NKAIN2: variants seen among roughly 807,000 people sequenced by gnomAD.
NKAIN2 encodes sodium/potassium transporting ATPase interacting 2.
In NKAIN2, 14 loss-of-function variants were observed where a neutral mutation model predicts 32.6. The observed-to-expected ratio is 0.43, with a 90% CI of 0.28 to 0.67. NKAIN2 has a LOEUF of 0.67. NKAIN2 is among the 30% of genes least tolerant of loss of function. NKAIN2 has a pLI of 0.17. For synonymous variants in NKAIN2, 80 were observed against 87.2 expected (o/e 0.92, Z 0.46); for missense variants, 198 against 258.3 (o/e 0.77, Z 1.60).
intron 1 of NKAIN2, among the ~76,000 whole-genome samples, chr6:123,930,353 T>A (rs1055773104): frequency 6.6e-6 from 1 of 152,286 alleles, no homozygotes; most frequent in Middle Eastern, 3.4e-3. Flanking sequence ...TTTAATCTAC[T>A]TTTGTCCAAC....
At chr6:124,352,923 A>G (rs1444337238) in intron 2 of NKAIN2, among the ~76,000 whole-genome samples, 1 of 152,140 alleles carries the variant, frequency 6.6e-6, no homozygotes, top group African/African-American at 2.4e-5. Flanking sequence ...CCCTAACATT[A>G]TACTCTATTG....
intron 1 of NKAIN2, among the ~76,000 whole-genome samples, chr6:123,810,882 A>G (rs1261651956): frequency 2.0e-5 from 3 of 152,200 alleles, no homozygotes; most frequent in Non-Finnish European, 4.4e-5. Context: ...GCTTGAACAC[A>G]TTTTGAACCT....
At chr6:124,488,657 A>G (rs1423931891) in intron 3 of NKAIN2, among the ~76,000 whole-genome samples, 2 of 152,014 alleles carry the variant, frequency 1.3e-5, no homozygotes, top group East Asian at 1.9e-4. Flanking sequence ...TTTGCTTCCA[A>G]TCTCATGTTG....
intron 5 of NKAIN2, among the ~76,000 whole-genome samples, chr6:124,808,421 C>T (rs1014971212): frequency 6.6e-6 from 1 of 152,122 alleles, no homozygotes; most frequent in Admixed American, 6.5e-5. Context: ...AGGCCTTTGA[C>T]AAAATTCAAC....
At chr6:124,222,810 A>G (rs959622397) in intron 1 of NKAIN2, among the ~76,000 whole-genome samples, 2 of 152,214 alleles carry the variant, frequency 1.3e-5, no homozygotes, top group Non-Finnish European at 2.9e-5. Context: ...CATGTAGAAC[A>G]TGGACCAAGT....
At chr6:123,819,269 G>A (rs1663107531) in intron 1 of NKAIN2, among the ~76,000 whole-genome samples, 1 of 152,092 alleles carries the variant, frequency 6.6e-6, no homozygotes, top group African/African-American at 2.4e-5. Context: ...ATGAAATACA[G>A]ACAGAGATTG....
chr6:124,223,271 C>T (rs985809865), intron 1 of NKAIN2, among the ~76,000 whole-genome samples: 14 of 141,424 alleles, frequency 9.9e-5, no homozygotes, highest in Non-Finnish European at 1.4e-4. Flanking sequence ...TAACTGAAGA[C>T]GGAGACAGAG....
At chr6:124,138,781 C>T (rs1786974873) in intron 1 of NKAIN2, among the ~76,000 whole-genome samples, 1 of 147,942 alleles carries the variant, frequency 6.8e-6, no homozygotes, top group Admixed American at 6.7e-5. Context: ...GCATTTGCAG[C>T]AACTTGGATG....
intron 1 of NKAIN2, among the ~76,000 whole-genome samples, chr6:123,847,330 T>G (rs2114948754): frequency 6.6e-6 from 1 of 152,000 alleles, no homozygotes; most frequent in African/African-American, 2.4e-5. Context: ...TATTAAATCT[T>G]TCAGCCAAAC....
intron 4 of NKAIN2, among the ~76,000 whole-genome samples, chr6:124,753,583 G>A (rs1342188090): frequency 2.0e-5 from 3 of 152,156 alleles, no homozygotes; most frequent in Admixed American, 2.0e-4. Flanking sequence ...TATATCAAGA[G>A]TCAAAATTCT....
intron 3 of NKAIN2, among the ~76,000 whole-genome samples, chr6:124,415,979 T>A (rs1166505422): frequency 6.7e-6 from 1 of 149,998 alleles, no homozygotes; most frequent in East Asian, 2.0e-4. Context: ...TTGGTTATAG[T>A]CCTGCATGTC....
intron 4 of NKAIN2, among the ~76,000 whole-genome samples, chr6:124,693,737 C>T (rs73770537): frequency 0.065 from 9,937 of 152,200 alleles, 490 homozygotes; most frequent in African/African-American, 0.13. Flanking sequence ...GGCTGGAGCA[C>T]AGGGAGTGTC....
At chr6:123,978,125 TG>T (rs942243991) in intron 1 of NKAIN2, among the ~76,000 whole-genome samples, 6 of 152,346 alleles carry the variant, frequency 3.9e-5, no homozygotes, top group Admixed American at 3.3e-4. Flanking sequence ...CTTAATTTTT[TG>T]GAATTAAGGC....
chr6:123,852,484 G>C (rs150165003), intron 1 of NKAIN2, among the ~76,000 whole-genome samples: 1 of 152,028 alleles, frequency 6.6e-6, no homozygotes, highest in Non-Finnish European at 1.5e-5. Flanking sequence ...ACTACTACAT[G>C]ATCCAGCAAT....
At chr6:124,686,612 C>T (rs1181402161) in intron 4 of NKAIN2, among the ~76,000 whole-genome samples, 2 of 152,160 alleles carry the variant, frequency 1.3e-5, no homozygotes. Flanking sequence ...TTGGGTATTA[C>T]AATTTTACAT....
chr6:124,372,225 A>G (rs1271972790), intron 3 of NKAIN2, among the ~76,000 whole-genome samples: 1 of 152,178 alleles, frequency 6.6e-6, no homozygotes, highest in Non-Finnish European at 1.5e-5. Context: ...AAGGTATTTT[A>G]TAATCTAAAT....
At chr6:124,614,695 C>CCG (rs1562284971) in intron 3 of NKAIN2, among the ~76,000 whole-genome samples, 1 of 152,008 alleles carries the variant, frequency 6.6e-6, no homozygotes, top group Non-Finnish European at 1.5e-5. Context: ...AAAGACCCCC[C>CCG]CAATTTCTTC....
At chr6:124,269,046 A>G (rs1351890404) in intron 1 of NKAIN2, among the ~76,000 whole-genome samples, 1 of 152,220 alleles carries the variant, frequency 6.6e-6, no homozygotes, top group African/African-American at 2.4e-5. Flanking sequence ...AAGCATGTAT[A>G]AAATTTAGCA....
intron 3 of NKAIN2, among the ~76,000 whole-genome samples, chr6:124,452,760 G>T (rs1010784951): frequency 6.6e-6 from 1 of 152,128 alleles, no homozygotes; most frequent in Non-Finnish European, 1.5e-5. Flanking sequence ...TATATTGGAA[G>T]AACAGGACTT....
Sources: allele counts gnomAD v4.1 joint callset (sites outside exome capture counted in the v4.1 genomes callset), GRCh38; gene constraint gnomAD v4.1.1; transcripts MANE v1.5; gene names NCBI Gene and HGNC (gene_info 2026-07-23, HGNC 2026-07-21).